Variants in SCN11A observed in about 807,000 individuals in gnomAD.
SCN11A encodes sodium channel protein type 11 subunit alpha.
A neutral mutation model predicts 162.2 loss-of-function variants in SCN11A; 122 were observed. That is an observed-to-expected ratio of 0.75 (90% CI 0.65 to 0.87). The LOEUF (loss-of-function observed/expected upper bound fraction) is 0.87, where lower values mean the gene tolerates loss of function less well. Ranked by LOEUF, SCN11A falls within the 40% of genes least tolerant of loss-of-function variation. SCN11A has a pLI of 0.00. For synonymous variants in SCN11A, 758 were observed against 751.5 expected, an observed-to-expected ratio of 1.01 and a Z score of -0.14; for missense variants, 2,015 against 2,181.6, an observed-to-expected ratio of 0.92 and a Z score of 1.52.
At chr3:38,976,575 C>T (rs536794789) in intron 2 of SCN11A, among the ~76,000 whole-genome samples, 141 of 152,250 alleles carry the variant, frequency 9.3e-4, no homozygotes, top group African/African-American at 3.3e-3. Flanking sequence ...AATGCTCAAC[C>T]GGCCTGCAAA....
chr3:38,975,598 T>A (rs2066845304), intron 2 of SCN11A, among the ~76,000 whole-genome samples: 1 of 152,226 alleles, frequency 6.6e-6, no homozygotes, highest in African/African-American at 2.4e-5. Context: ...TTTAGCAAGC[T>A]GAGCAAGTTG....
chr3:38,885,677 A>T (rs1359276812), intron 20 of SCN11A, among the ~76,000 whole-genome samples: 3 of 152,076 alleles, frequency 2.0e-5, no homozygotes, highest in African/African-American at 7.2e-5. Flanking sequence ...CTCCCTACAG[A>T]TCATAACCCT....
At chr3:39,027,121 A>T (rs1456831134) in intron 2 of SCN11A, among the ~76,000 whole-genome samples, 2 of 152,084 alleles carry the variant, frequency 1.3e-5, no homozygotes, top group African/African-American at 2.4e-5. Context: ...GAAAAAAAAA[A>T]TGTCCAGCAG....
intron 2 of SCN11A, among the ~76,000 whole-genome samples, chr3:39,020,968 T>C (rs1372148472): frequency 6.9e-6 from 1 of 144,262 alleles, no homozygotes; most frequent in African/African-American, 2.6e-5. Context: ...CAAAGGGGAG[T>C]GGGGAGGAAC....
intron 7 of SCN11A, among the ~76,000 whole-genome samples, chr3:38,929,134 C>CGCGCGT (rs2066195952): frequency 1.0e-5 from 1 of 95,552 alleles, no homozygotes; most frequent in African/African-American, 3.2e-5. Flanking sequence ...GGTCTGTGCA[C>CGCGCGT]GCACACACAC....
Position 38,867,384 on chromosome 3 carries a change from T to C in SCN11A, c.3888A>G (p.Ser1296=). 1 of 1,613,020 alleles carries C rather than the reference T, an allele frequency of 6.2e-7. No homozygotes were observed. The highest frequency in any genetic ancestry group is 1.3e-5 in the African/African-American group (1 of 75,042). Residue 1296 remains serine, a synonymous_variant, in exon 27 of 30, where the codon TCA becomes TCG. Transcript: ENST00000302328. ...CAATGAAGAGATTCAGAGTGAAGAA[T>C]GAGCCAAAGATGATAAAGACTACGA... ...IYFVVFIIFG[S]FFTLNLFIGV...
chr3:38,907,330 G>A (rs1292393772), intron 14 of SCN11A, among the ~76,000 whole-genome samples: 1 of 19,690 alleles, frequency 5.1e-5, no homozygotes, highest in African/African-American at 8.6e-5. Context: ...GTGTGTGTGT[G>A]TGTGTGTGTG....
intron 1 of SCN11A, among the ~76,000 whole-genome samples, chr3:39,044,755 G>A (rs1038194372): frequency 3.3e-5 from 5 of 151,834 alleles, no homozygotes; most frequent in Non-Finnish European, 7.4e-5. Context: ...AATGATGCAC[G>A]TCAAGGAACT....
chr3:38,896,945 T>C lies in SCN11A; in HGVS notation c.2303A>G (p.Glu768Gly). 1 of 1,614,100 alleles carries C rather than the reference T, an allele frequency of 6.2e-7. No homozygotes were observed. Among genetic ancestry groups the C allele is most frequent in the Non-Finnish European group, 8.5e-7 (1 of 1,180,008 alleles). The change falls in exon 18 of 30, where the codon GAA (glutamate) becomes GGA (glycine). Residue 768 changes from glutamate (E) to glycine (G), a missense_variant. Physicochemically the swap from Glu to Gly is moderately conservative, Grantham distance 98. Coordinates refer to ENST00000302328, the MANE Select transcript of SCN11A (RefSeq NM_001349253.2). The stretch of plus-strand genomic sequence containing the variant: ...ACATTCCCACATATTTTCGATCCAT[T>C]CCCCGCAGAGGATGCGGAATACCAC... ...FLVVFRILCG[E>G]WIENMWECMQ...
chr3:38,951,043 A>C (rs142449108), intron 4 of SCN11A, among the ~76,000 whole-genome samples: 2,447 of 152,296 alleles, frequency 0.016, 67 homozygotes, highest in African/African-American at 0.056. Context: ...TGGGCTCCCA[A>C]TTTGGCGGCA....
intron 2 of SCN11A, among the ~76,000 whole-genome samples, chr3:39,007,656 A>C (rs2031014655): frequency 6.6e-6 from 1 of 152,252 alleles, no homozygotes; most frequent in Non-Finnish European, 1.5e-5. Flanking sequence ...TTGTGCCAGG[A>C]GACACATCCC....
intron 7 of SCN11A, among the ~76,000 whole-genome samples, chr3:38,939,544 T>C (rs994962490): frequency 6.6e-6 from 1 of 152,218 alleles, no homozygotes; most frequent in African/African-American, 2.4e-5. Flanking sequence ...GATTTGCAGA[T>C]ATAAATCACT....
intron 2 of SCN11A, among the ~76,000 whole-genome samples, chr3:39,031,305 C>G (rs2031743452): frequency 6.6e-6 from 1 of 152,098 alleles, no homozygotes; most frequent in East Asian, 1.9e-4. Flanking sequence ...GCAGGAGGAT[C>G]ACTTGAGGTC....
rs771994869 is a variant in SCN11A, at chr3:38,883,265, T to C, written c.3187A>G (p.Ile1063Val). 1.2e-6 allele frequency: 2 copies of C among 1,613,766 alleles called. No individual in the cohort carries two copies. Among genetic ancestry groups the C allele is most frequent in the Admixed American group, 1.7e-5 (1 of 59,960 alleles). ...VKHSWFESFI[I>V]FVILLSSGAL... ...CCACTGCTCAGCAGAATCACAAAGA[T>C]AATAAAGCTCTCAAACCAGCTGTGT... The change falls in exon 22 of 30, where the codon ATC becomes GTC. Residue 1063 changes from isoleucine to valine, a missense_variant. Physicochemically the swap from Ile to Val is conservative, Grantham distance 29. Coordinates refer to ENST00000302328, the MANE Select transcript of SCN11A (RefSeq NM_001349253.2).
At position 38,886,160 on chromosome 3, in the gene SCN11A, C is replaced by A. The variant is rs779505068; in HGVS notation, c.2914G>T (p.Asp972Tyr). 5 of 1,612,944 alleles carry A rather than the reference C, an allele frequency of 3.1e-6. No individual in the cohort carries two copies. The highest frequency in any genetic ancestry group is 4.2e-6 in the Non-Finnish European group (5 of 1,179,758). ...QSVEIDMFSE[D>Y]EPHLTIQDPR... ...TCCTGTATGGTCAGATGAGGCTCAT[C>A]TTCAGAGAACATGTCAATTTCCACA... Residue 972 changes from aspartate to tyrosine, a missense_variant, in exon 20 of 30, where the codon GAT becomes TAT. Physicochemically the swap from Asp to Tyr is radical, Grantham distance 160 (BLOSUM62 -3). Coordinates refer to ENST00000302328, the MANE Select transcript of SCN11A (RefSeq NM_001349253.2).
intron 5 of SCN11A, among the ~76,000 whole-genome samples, chr3:38,949,069 C>T (rs939711564): frequency 7.2e-5 from 11 of 152,212 alleles, no homozygotes; most frequent in African/African-American, 2.4e-4. Context: ...GCAAATCAGG[C>T]AATCTTTCTT....
In SCN11A at chr3:38,904,105, T is replaced by G; in HGVS notation, c.1604-2A>C. 1 of 1,546,384 alleles carries G rather than the reference T, an allele frequency of 6.5e-7. No individual in the cohort carries two copies. Among genetic ancestry groups the G allele is most frequent in the Non-Finnish European group, 8.7e-7 (1 of 1,147,268 alleles). ...AAGGCTCTTGTGATTTTTCTTGTTC[T>G]GGAGGAGAATGAGCGAGAGGTTGAG... is the stretch of plus-strand genomic sequence containing the variant. On this transcript the variant is annotated splice_acceptor_variant, in intron 15 of 29. Coordinates refer to ENST00000302328, the MANE Select transcript of SCN11A (RefSeq NM_001349253.2). LOFTEE classifies it high-confidence loss of function.
At chr3:38,898,886 A>C (rs746530235) in intron 17 of SCN11A, among the ~76,000 whole-genome samples, 4 of 152,128 alleles carry the variant, frequency 2.6e-5, no homozygotes, top group Non-Finnish European at 4.4e-5. Context: ...ACAATGCCAC[A>C]GATTTCCGTG....
chr3:39,042,350 T>G (rs905843750), intron 1 of SCN11A, among the ~76,000 whole-genome samples: 34 of 151,790 alleles, frequency 2.2e-4, no homozygotes, highest in Non-Finnish European at 4.3e-4. Flanking sequence ...AGACTGAAAG[T>G]GAAAAAATAT....
Sources: allele counts gnomAD v4.1 joint callset (sites outside exome capture counted in the v4.1 genomes callset), GRCh38; gene constraint gnomAD v4.1.1; transcripts MANE v1.5; gene names NCBI Gene and HGNC (gene_info 2026-07-23, HGNC 2026-07-21).